Variants in RPS6KC1 observed in about 807,000 individuals in gnomAD.
RPS6KC1 encodes the protein ribosomal protein S6 kinase C1.
RPS6KC1 carries 54 observed loss-of-function variants against 103.8 expected under a neutral mutation model. The ratio of observed to expected loss-of-function variants is 0.52; its 90% CI spans 0.42 to 0.65. The LOEUF is 0.65. Ranked by LOEUF, RPS6KC1 falls within the 30% of genes least tolerant of loss-of-function variation. RPS6KC1 has a pLI of 0.00. For synonymous variants in RPS6KC1, 439 were observed against 438.7 expected (o/e 1.00, Z -0.01); for missense variants, 1,151 against 1,253.8 (o/e 0.92, Z 1.24).
At chr1:213,719,051 G>A in the RPS6KC1 span, among the ~76,000 whole-genome samples, 1 of 152,206 alleles carries the variant, frequency 6.6e-6, no homozygotes, top group African/African-American at 2.4e-5. Context: ...TGCCTCTGAA[G>A]TTAACAGAGG....
the RPS6KC1 span, among the ~76,000 whole-genome samples, chr1:213,543,426 G>T: frequency 6.6e-6 from 1 of 152,160 alleles, no homozygotes; most frequent in Non-Finnish European, 1.5e-5. Context: ...ACTCTTTTGG[G>T]GCTATGTGGG....
At chr1:213,112,875 C>T (rs1245649598) in intron 4 of RPS6KC1, among the ~76,000 whole-genome samples, 1 of 152,178 alleles carries the variant, frequency 6.6e-6, no homozygotes, top group Non-Finnish European at 1.5e-5. Flanking sequence ...TCATCCGTGT[C>T]CCTACAAAGG....
chr1:213,722,224 C>T, the RPS6KC1 span, among the ~76,000 whole-genome samples: 1 of 152,084 alleles, frequency 6.6e-6, no homozygotes, highest in Admixed American at 6.6e-5. Flanking sequence ...CTCATTTCCT[C>T]CAGGAATCTA....
the RPS6KC1 span, among the ~76,000 whole-genome samples, chr1:213,553,058 T>C: frequency 6.6e-6 from 1 of 152,104 alleles, no homozygotes; most frequent in Admixed American, 6.6e-5. Context: ...GTTTGTTACA[T>C]GGGTAAATTG....
chr1:213,860,792 T>C, the RPS6KC1 span, among the ~76,000 whole-genome samples: 4 of 151,220 alleles, frequency 2.6e-5, no homozygotes, highest in African/African-American at 9.8e-5. Context: ...CACTAAAGCT[T>C]TGGGATTTCT....
the RPS6KC1 span, among the ~76,000 whole-genome samples, chr1:213,760,402 A>G: frequency 6.6e-6 from 1 of 152,212 alleles, no homozygotes; most frequent in East Asian, 1.9e-4. Context: ...GTCCCTGCCC[A>G]GAGACATCCT....
chr1:213,168,022 C>A, intron 7 of RPS6KC1, 49 bp downstream of exon 7: 1 of 1,128,174 alleles, frequency 8.9e-7, no homozygotes, highest in Non-Finnish European at 1.3e-6. Context: ...TTTTTGCTGT[C>A]TGGTCTCTCT....
chr1:213,426,703 A>G, the RPS6KC1 span, among the ~76,000 whole-genome samples: 1 of 152,178 alleles, frequency 6.6e-6, no homozygotes, highest in African/African-American at 2.4e-5. Context: ...ATAGGCTAGC[A>G]TATCAAATGG....
chr1:213,594,713 T>C, the RPS6KC1 span, among the ~76,000 whole-genome samples: 1 of 152,358 alleles, frequency 6.6e-6, no homozygotes, highest in East Asian at 1.9e-4. Flanking sequence ...TATCTACACA[T>C]GTAATCTTCA....
At chr1:213,448,302 G>T in the RPS6KC1 span, among the ~76,000 whole-genome samples, 1 of 147,654 alleles carries the variant, frequency 6.8e-6, no homozygotes, top group Non-Finnish European at 1.5e-5. Context: ...ATAAAAACTG[G>T]CCTTTCATCA....
chr1:213,398,935 T>C, the RPS6KC1 span, among the ~76,000 whole-genome samples: 3 of 152,288 alleles, frequency 2.0e-5, no homozygotes, highest in East Asian at 5.8e-4. Context: ...AATCAATGCA[T>C]GAAATCTCAA....
At chr1:213,857,380 A>G in the RPS6KC1 span, among the ~76,000 whole-genome samples, 1 of 152,196 alleles carries the variant, frequency 6.6e-6, no homozygotes. Flanking sequence ...GCTTATAAAA[A>G]CAGTGTGAGG....
At chr1:213,841,347 T>C in the RPS6KC1 span, 1 of 152,196 alleles carries the variant, frequency 6.6e-6, no homozygotes, top group East Asian at 1.9e-4. Context: ...ATTTATAACA[T>C]CTCAGAGGTG....
chr1:213,454,979 C>A, the RPS6KC1 span, among the ~76,000 whole-genome samples: 1 of 152,164 alleles, frequency 6.6e-6, no homozygotes, highest in Non-Finnish European at 1.5e-5. Flanking sequence ...AGCAGTGCCT[C>A]GGAGTGCTTT....
At chr1:213,436,177 A>G in the RPS6KC1 span, among the ~76,000 whole-genome samples, 18 of 152,258 alleles carry the variant, frequency 1.2e-4, no homozygotes, top group African/African-American at 4.3e-4. Flanking sequence ...AGTCTTTGTG[A>G]CAATTTAAAT....
the RPS6KC1 span, among the ~76,000 whole-genome samples, chr1:213,541,567 C>G: frequency 6.6e-6 from 1 of 151,996 alleles, no homozygotes; most frequent in East Asian, 1.9e-4. Flanking sequence ...ATAATGCTTA[C>G]TGATTAAAAA....
intron 8 of RPS6KC1, among the ~76,000 whole-genome samples, chr1:213,219,054 C>T (rs535528904): frequency 1.6e-4 from 25 of 152,310 alleles, no homozygotes; most frequent in Non-Finnish European, 2.9e-4. Flanking sequence ...GCAAAAGAAA[C>T]TACCATCAGA....
the RPS6KC1 span, among the ~76,000 whole-genome samples, chr1:213,509,289 C>T: frequency 2.0e-5 from 3 of 151,864 alleles, no homozygotes; most frequent in African/African-American, 7.3e-5. Context: ...CTGTCTTTAC[C>T]TGTCTTTTGA....
At chr1:213,792,485 G>A in the RPS6KC1 span, among the ~76,000 whole-genome samples, 299 of 152,214 alleles carry the variant, frequency 2.0e-3, no homozygotes, top group African/African-American at 6.9e-3. Flanking sequence ...CCTTCCCAGA[G>A]CTCTCCCTCC....
Sources: gnomAD v4.1 joint callset for allele counts (sites outside exome capture counted in the v4.1 genomes callset) on GRCh38, gnomAD v4.1.1 for gene constraint, MANE v1.5 for transcripts, NCBI Gene and HGNC (gene_info 2026-07-23, HGNC 2026-07-21) for gene names.